Variants in TLL1 observed in about 807,000 individuals in gnomAD.
TLL1 encodes tolloid-like protein 1.
TLL1 carries 49 observed loss-of-function variants against 128.2 expected under a neutral mutation model. The observed-to-expected ratio is 0.38, with a 90% CI of 0.30 to 0.48. The LOEUF (loss-of-function observed/expected upper bound fraction) is 0.48, where lower values mean the gene tolerates loss of function less well. Ranked by LOEUF, TLL1 falls within the 20% of genes least tolerant of loss-of-function variation. TLL1 has a pLI of 0.96. For missense variants in TLL1, 1,123 were observed against 1,242.0 expected (o/e 0.90, Z 1.44); for synonymous variants, 454 against 418.8 (o/e 1.08, Z -1.03).
At chr4:165,979,714 A>G (rs188998300) in intron 1 of TLL1, among the ~76,000 whole-genome samples, 1 of 152,194 alleles carries the variant, frequency 6.6e-6, no homozygotes, top group Non-Finnish European at 1.5e-5. Flanking sequence ...CTTGAGCCCA[A>G]GGAATTTGAG....
At position 165,995,127 on chromosome 4, in the gene TLL1, T is replaced by C. The variant is rs767517460; in HGVS notation, c.581T>C (p.Ile194Thr). ...GAAAAGCACACATGTGTGACTTTCA[T>C]AGAAAGAAGTGATGAAGAGAGTTAC... ...HWEKHTCVTF[I>T]ERSDEESYIV... is the part of the protein sequence containing the mutation. Residue 194 changes from isoleucine to threonine, a missense_variant, in exon 5 of 21, where the codon ATA becomes ACA. Physicochemically the swap from Ile to Thr is moderately conservative, Grantham distance 89 (BLOSUM62 -1). Around this residue, in one of 3 missense-constraint regions of TLL1, gnomAD observed 480 missense variants for 542.4 expected, o/e 0.89. Transcript: ENST00000061240. The C allele has an allele frequency of 1.2e-6, 2 of 1,613,952 alleles. No individual in the cohort carries two copies. Among genetic ancestry groups the C allele is most frequent in the Non-Finnish European group, 8.5e-7 (1 of 1,179,932 alleles).
At chr4:166,024,600 T>A (rs116816129) in intron 8 of TLL1, among the ~76,000 whole-genome samples, 1,909 of 152,268 alleles carry the variant, frequency 0.013, 44 homozygotes, top group African/African-American at 0.041. Context: ...TGAACACAGA[T>A]CCTGATGCTA....
chr4:165,874,133 A>G, intron 1 of TLL1, 60 bp downstream of exon 1: 4 of 1,603,906 alleles, frequency 2.5e-6, no homozygotes, highest in Non-Finnish European at 3.4e-6. Context: ...TGGGTTTCCC[A>G]TGGGTGGCGG....
chr4:166,067,831 C>T (rs1277336507), intron 16 of TLL1, among the ~76,000 whole-genome samples: 2 of 151,680 alleles, frequency 1.3e-5, no homozygotes, highest in African/African-American at 4.8e-5. Flanking sequence ...TCATATATTT[C>T]TATGACAGAT....
intron 8 of TLL1, among the ~76,000 whole-genome samples, chr4:166,021,040 A>C (rs2111062308): frequency 1.3e-5 from 2 of 152,350 alleles, no homozygotes; most frequent in South Asian, 4.1e-4. Flanking sequence ...ATGGAGTCTG[A>C]ATGCATTGTT....
intron 1 of TLL1, among the ~76,000 whole-genome samples, chr4:165,898,182 C>A (rs1731776523): frequency 6.6e-6 from 1 of 152,148 alleles, no homozygotes. Context: ...CAAACAGAGA[C>A]AATTTGACTT....
chr4:165,941,988 G>T (rs887429531), intron 1 of TLL1, among the ~76,000 whole-genome samples: 1 of 151,962 alleles, frequency 6.6e-6, no homozygotes, highest in Non-Finnish European at 1.5e-5. Flanking sequence ...TTAAGTTTTG[G>T]ATATTAACAC....
chr4:166,065,587 G>C, intron 15 of TLL1, 96 bp from the exon 16 acceptor site: 1 of 1,368,334 alleles, frequency 7.3e-7, no homozygotes, highest in East Asian at 2.4e-5. Flanking sequence ...ACTACCGTAA[G>C]AGTAAAATGG....
chr4:166,014,100 T>G (rs1044785060), intron 7 of TLL1, among the ~76,000 whole-genome samples: 1 of 151,942 alleles, frequency 6.6e-6, no homozygotes, highest in Non-Finnish European at 1.5e-5. Flanking sequence ...CACAACCTGA[T>G]AATCTAAGGA....
At chr4:166,014,890 T>C (rs528017708) in intron 8 of TLL1, among the ~76,000 whole-genome samples, 1 of 152,144 alleles carries the variant, frequency 6.6e-6, no homozygotes, top group African/African-American at 2.4e-5. Context: ...AATGCTAAGT[T>C]TCCTTTCTGA....
chr4:166,033,190 G>A (rs1393858), intron 9 of TLL1, among the ~76,000 whole-genome samples: 33,307 of 151,992 alleles, frequency 0.22, 3,892 homozygotes, highest in Middle Eastern at 0.27. Flanking sequence ...ATGTACCTGC[G>A]CTTTTGCCCA....
At chr4:165,928,974 T>C (rs1028274026) in intron 1 of TLL1, among the ~76,000 whole-genome samples, 9 of 152,222 alleles carry the variant, frequency 5.9e-5, no homozygotes, top group African/African-American at 2.2e-4. Flanking sequence ...ATTTGGGTAA[T>C]TAAAAATGCT....
chr4:166,021,114 T>C (rs183836037), intron 8 of TLL1, among the ~76,000 whole-genome samples: 2 of 152,324 alleles, frequency 1.3e-5, no homozygotes, highest in Admixed American at 1.3e-4. Flanking sequence ...AATTACTTAA[T>C]TCATAGTTAC....
Position 165,931,631 on chromosome 4 carries a change from G to A in TLL1, c.169+57558G>A, listed in dbSNP as rs374807809. ...CTACTTGGGAGGCTGAGGCAGGAGA[G>A]TGGCGTGAACCAGGGAGGTGGAGCT... On this transcript the variant is annotated intron_variant, in intron 1 of 20. Coordinates refer to ENST00000061240, the MANE Select transcript of TLL1 (RefSeq NM_012464.5). 8.0e-4 allele frequency among the ~76,000 whole-genome samples: 120 copies of A among 150,878 alleles called. 1 individual carries two copies. The highest frequency in any genetic ancestry group is 7.0e-3 in the Middle Eastern group (2 of 286).
At chr4:166,082,803 G>T (rs775202032) in intron 18 of TLL1, among the ~76,000 whole-genome samples, 1 of 151,784 alleles carries the variant, frequency 6.6e-6, no homozygotes, top group Admixed American at 6.6e-5. Flanking sequence ...TCAGCCTCCC[G>T]AGTAGCTGGA....
chr4:166,001,093 G>A (rs982252824), intron 5 of TLL1, among the ~76,000 whole-genome samples: 1 of 152,066 alleles, frequency 6.6e-6, no homozygotes, highest in Non-Finnish European at 1.5e-5. Flanking sequence ...GCTGTCAAAT[G>A]TCCTTATCCC....
At chr4:165,992,990 A>G (rs1736715213) in intron 3 of TLL1, 106 bp downstream of exon 3, 1 of 942,268 alleles carries the variant, frequency 1.1e-6, no homozygotes, top group African/African-American at 1.6e-5. Context: ...GATGTGAAGT[A>G]TGTAAATGAT....
At chr4:165,913,968 A>ATGGCACC (rs1456513367) in intron 1 of TLL1, among the ~76,000 whole-genome samples, 6 of 151,938 alleles carry the variant, frequency 3.9e-5, no homozygotes, top group Non-Finnish European at 8.8e-5. Flanking sequence ...GTGAGCCATG[A>ATGGCACC]TGGCACCTGC....
intron 1 of TLL1, among the ~76,000 whole-genome samples, chr4:165,934,987 G>A (rs1040689643): frequency 2.0e-5 from 3 of 152,124 alleles, no homozygotes; most frequent in African/African-American, 4.8e-5. Flanking sequence ...TTGTTACAGC[G>A]AATACTGAGA....
Sources: gnomAD v4.1 joint callset for allele counts (sites outside exome capture counted in the v4.1 genomes callset) on GRCh38, gnomAD v4.1.1 for gene constraint, gnomAD v4.1.1 regional missense constraint, MANE v1.5 for transcripts, NCBI Gene and HGNC (gene_info 2026-07-23, HGNC 2026-07-21) for gene names.